SETBP1: variants seen among roughly 807,000 people sequenced by gnomAD.
SETBP1 encodes SET-binding protein.
In SETBP1, 9 loss-of-function variants were observed where a neutral mutation model predicts 101.0. That is an observed-to-expected ratio of 0.09 (90% CI 0.05 to 0.16). The LOEUF (loss-of-function observed/expected upper bound fraction) is 0.16. SETBP1 is among the 10% of genes least tolerant of loss of function. SETBP1 has a pLI of 1.00. For missense variants in SETBP1, 1,858 were observed against 2,033.8 expected (o/e 0.91, Z 1.66); for synonymous variants, 818 against 788.5 (o/e 1.04, Z -0.63).
intron 4 of SETBP1, among the ~76,000 whole-genome samples, chr18:45,028,165 C>G (rs1183205151): frequency 8.4e-6 from 1 of 119,312 alleles, no homozygotes; most frequent in Non-Finnish European, 1.7e-5. Flanking sequence ...TCCCCCTCCC[C>G]CCACCCCACA....
At chr18:44,990,927 G>GAAAAAA (rs996043221) in intron 4 of SETBP1, among the ~76,000 whole-genome samples, 18 of 62,986 alleles carry the variant, frequency 2.9e-4, no homozygotes, top group Middle Eastern at 0.01. Context: ...CAGAGAGAGA[G>GAAAAAA]AAAAAAAAAA....
chr18:44,752,353 G>C (rs2070401868), intron 2 of SETBP1, among the ~76,000 whole-genome samples: 3 of 152,176 alleles, frequency 2.0e-5, no homozygotes, highest in Non-Finnish European at 4.4e-5. Context: ...CTAGATAGCT[G>C]TCTGTGGGTC....
intron 4 of SETBP1, among the ~76,000 whole-genome samples, chr18:45,014,453 T>G (rs553943445): frequency 6.6e-6 from 1 of 152,322 alleles, no homozygotes; most frequent in South Asian, 2.1e-4. Flanking sequence ...GGCAGCGCAT[T>G]TCAATTTAAG....
chr18:44,926,332 G>C (rs548835744), intron 3 of SETBP1, among the ~76,000 whole-genome samples: 2 of 152,140 alleles, frequency 1.3e-5, no homozygotes, highest in East Asian at 3.9e-4. Flanking sequence ...TCAAAGGCTG[G>C]GAGAAAAAAG....
At chr18:44,806,617 G>A (rs892030088) in intron 2 of SETBP1, among the ~76,000 whole-genome samples, 1 of 93,152 alleles carries the variant, frequency 1.1e-5, no homozygotes, top group Non-Finnish European at 2.1e-5. Flanking sequence ...GGCTCATAAT[G>A]AGCTCCTTTT....
At chr18:44,852,376 A>G (rs1239352423) in intron 2 of SETBP1, among the ~76,000 whole-genome samples, 1 of 152,188 alleles carries the variant, frequency 6.6e-6, no homozygotes, top group Non-Finnish European at 1.5e-5. Context: ...CACGTTCTGC[A>G]CCATTGCTGC....
intron 1 of SETBP1, among the ~76,000 whole-genome samples, chr18:44,685,046 C>T (rs1009421267): frequency 1.3e-5 from 2 of 152,066 alleles, no homozygotes; most frequent in Non-Finnish European, 2.9e-5. Flanking sequence ...TGTGAGCAGC[C>T]CTGAAGTCCA....
chr18:44,736,113 A>G (rs1368211011), intron 2 of SETBP1, among the ~76,000 whole-genome samples: 3 of 152,172 alleles, frequency 2.0e-5, no homozygotes, highest in Non-Finnish European at 4.4e-5. Flanking sequence ...GGCTGGGCAT[A>G]GTGGCTCATG....
chr18:44,881,545 C>T (rs142452917), intron 3 of SETBP1, among the ~76,000 whole-genome samples: 6 of 152,246 alleles, frequency 3.9e-5, no homozygotes, highest in Admixed American at 1.3e-4. Flanking sequence ...TGTAATAACG[C>T]CAATTACTTT....
At chr18:44,767,143 A>C (rs1019123675) in intron 2 of SETBP1, among the ~76,000 whole-genome samples, 1 of 152,250 alleles carries the variant, frequency 6.6e-6, no homozygotes, top group African/African-American at 2.4e-5. Flanking sequence ...AAGGCTGTCC[A>C]AGAGGAATGA....
intron 3 of SETBP1, among the ~76,000 whole-genome samples, chr18:44,938,346 A>G (rs1056249458): frequency 6.6e-6 from 1 of 152,228 alleles, no homozygotes; most frequent in Non-Finnish European, 1.5e-5. Context: ...GGCTGCCTCT[A>G]AATTGTCTCT....
chr18:44,779,093 T>G (rs2071069665), intron 2 of SETBP1, among the ~76,000 whole-genome samples: 1 of 152,228 alleles, frequency 6.6e-6, no homozygotes, highest in Non-Finnish European at 1.5e-5. Flanking sequence ...AAATGCAGTT[T>G]AATCTTCCTT....
chr18:44,949,312 T>A (rs1021785414), intron 3 of SETBP1, among the ~76,000 whole-genome samples: 2 of 152,204 alleles, frequency 1.3e-5, no homozygotes, highest in African/African-American at 4.8e-5. Flanking sequence ...TGTACAGAGA[T>A]GTTGAGCTCT....
intron 2 of SETBP1, among the ~76,000 whole-genome samples, chr18:44,735,296 C>T (rs896286616): frequency 1.3e-5 from 2 of 152,110 alleles, no homozygotes; most frequent in Non-Finnish European, 2.9e-5. Flanking sequence ...CTTCTTTTTT[C>T]AGTTGCTGGC....
intron 4 of SETBP1, among the ~76,000 whole-genome samples, chr18:44,991,244 C>CAAAAAAAA (rs55811938): frequency 1.2e-4 from 8 of 68,202 alleles, no homozygotes; most frequent in African/African-American, 1.8e-4. Flanking sequence ...CTGCATCTCA[C>CAAAAAAAA]AAAAAAAAAA....
chr18:45,042,149 T>A (rs1481916571), intron 5 of SETBP1, among the ~76,000 whole-genome samples: 3 of 63,640 alleles, frequency 4.7e-5, no homozygotes, highest in Non-Finnish European at 1.0e-4. Context: ...GAAACTGCTT[T>A]TTTTTTTTTT....
chr18:44,758,863 C>T (rs2070568648), intron 2 of SETBP1, among the ~76,000 whole-genome samples: 1 of 152,154 alleles, frequency 6.6e-6, no homozygotes, highest in Admixed American at 6.5e-5. Context: ...TCAGAAAATA[C>T]CAACTTGGAT....
intron 3 of SETBP1, 62 bp from the exon 4 acceptor site, chr18:44,949,819 A>G (rs181629604): frequency 2.3e-5 from 30 of 1,327,804 alleles, no homozygotes; most frequent in Non-Finnish European, 3.2e-5. Flanking sequence ...AAGTAGCTTC[A>G]ACATGCTCAT....
In SETBP1 at chr18:44,701,564, C is replaced by T. The variant is rs1395686262; in HGVS notation, c.218C>T (p.Ser73Phe). ...LGSGRDVDSNSNADSEKWVAG... is the reference protein window; with the variant it reads ...LGSGRDVDSNFNADSEKWVAG... ...TCAGGGCGGGATGTGGATTCCAACT[C>T]CAACGCGGACAGTGAGAAATGGGTG... Residue 73 changes from serine to phenylalanine, a missense_variant, in exon 2 of 6, where the codon TCC becomes TTC. Coordinates refer to ENST00000649279, the MANE Select transcript of SETBP1 (RefSeq NM_015559.3). The T allele has an allele frequency of 6.2e-7, 1 of 1,614,038 alleles. No individual in the cohort carries two copies. Among genetic ancestry groups the T allele is most frequent in the Non-Finnish European group, 8.5e-7 (1 of 1,180,052 alleles).
Sources: gnomAD v4.1 joint callset for allele counts (sites outside exome capture counted in the v4.1 genomes callset) on GRCh38, gnomAD v4.1.1 for gene constraint, MANE v1.5 for transcripts, NCBI Gene and HGNC (gene_info 2026-07-23, HGNC 2026-07-21) for gene names.